The following SYNE1 variants were observed in gnomAD, a reference collection of about 807,000 sequenced individuals.
The protein encoded by SYNE1 is nesprin-1.
SYNE1 carries 616 observed loss-of-function variants against 1,111.0 expected under a neutral mutation model. The observed-to-expected ratio is 0.55, with a 90% CI of 0.52 to 0.59. The LOEUF is 0.59. Among genes scored for constraint, SYNE1 ranks in the 20% least tolerant of loss-of-function variants. The pLI is 0.00. For missense variants in SYNE1, 10,006 were observed against 10,417.0 expected (o/e 0.96, Z 1.72); for synonymous variants, 3,855 against 3,825.8 (o/e 1.01, Z -0.28).
chr6:152,461,818 C>T, intron 20 of SYNE1, 78 bp from the exon 21 acceptor site: 2 of 1,592,032 alleles, frequency 1.3e-6, no homozygotes, highest in South Asian at 2.2e-5. Flanking sequence ...GAAGGCAGAA[C>T]AAAAATCAAT....
At chr6:152,531,869 A>C (rs1202111388) in intron 4 of SYNE1, among the ~76,000 whole-genome samples, 1 of 152,144 alleles carries the variant, frequency 6.6e-6, no homozygotes, top group Non-Finnish European at 1.5e-5. Flanking sequence ...CATTGTATGG[A>C]TATACCACAT....
chr6:152,363,343 A>G (rs1351024037), intron 63 of SYNE1, among the ~76,000 whole-genome samples: 2 of 148,762 alleles, frequency 1.3e-5, no homozygotes, highest in Non-Finnish European at 3.0e-5. Flanking sequence ...AAATACAAAA[A>G]ATTAGCCGGG....
At chr6:152,168,741 G>A (rs761451966) in intron 130 of SYNE1, among the ~76,000 whole-genome samples, 3 of 152,156 alleles carry the variant, frequency 2.0e-5, no homozygotes, top group South Asian at 2.1e-4. Flanking sequence ...GGTTGTTTGC[G>A]AAGGTGGGAA....
intron 130 of SYNE1, among the ~76,000 whole-genome samples, chr6:152,170,046 C>A (rs1162631267): frequency 6.6e-6 from 1 of 151,928 alleles, no homozygotes; most frequent in Non-Finnish European, 1.5e-5. Context: ...TTTAAAAAAC[C>A]TGAAGTCTTC....
intron 133 of SYNE1, among the ~76,000 whole-genome samples, chr6:152,153,332 G>A (rs2060781507): frequency 6.6e-6 from 1 of 152,148 alleles, no homozygotes; most frequent in Non-Finnish European, 1.5e-5. Flanking sequence ...GTACCCCCAG[G>A]CAGATACCCC....
intron 74 of SYNE1, among the ~76,000 whole-genome samples, chr6:152,339,721 T>C (rs2096490372): frequency 6.6e-6 from 1 of 152,258 alleles, no homozygotes. Context: ...CCTCTTAACA[T>C]GCTTTTGCAT....
intron 135 of SYNE1, among the ~76,000 whole-genome samples, chr6:152,150,191 T>G (rs1230756772): frequency 6.6e-6 from 1 of 152,246 alleles, no homozygotes; most frequent in Non-Finnish European, 1.5e-5. Context: ...AGTTATGATT[T>G]GAAAAACAAG....
Position 152,387,166 on chromosome 6 carries a change from C to T in SYNE1, c.8393G>A (p.Arg2798Lys), listed in dbSNP as rs745829800. The part of the protein sequence containing the change: ...RALHRLIAKS[R>K]ELYEKTEDES... ...ATCCTCTGTCTTTTCGTAGAGCTCC[C>T]TGGACTTCGCAATTAGACGGTGAAG... Residue 2798 changes from arginine (R) to lysine (K), a missense_variant, in exon 54 of 146, where the codon AGG becomes AAG. Coordinates refer to ENST00000367255, the MANE Select transcript of SYNE1 (RefSeq NM_182961.4). The T allele has an allele frequency of 1.2e-6, 2 of 1,614,172 alleles. No individual in the cohort carries two copies. The highest frequency in any genetic ancestry group is 1.1e-5 in the South Asian group (1 of 91,080).
In SYNE1 at chr6:152,125,252, T is replaced by C. The variant is rs1313430459; in HGVS notation, c.26154-2576A>G. On this transcript the variant is annotated intron_variant, in intron 145 of 145. Coordinates refer to ENST00000367255, the MANE Select transcript of SYNE1 (RefSeq NM_182961.4). ...ATAATGGTAATGGTAATTCAGGTCGTATTCATTTCACAGGTATCTCACATG... is the reference window on the plus strand; with the variant it reads ...ATAATGGTAATGGTAATTCAGGTCGCATTCATTTCACAGGTATCTCACATG... 5.2e-6 allele frequency: 8 copies of C among 1,549,886 alleles called. No individual in the cohort carries two copies. The South Asian group carries it at 8.3e-5, about 16-fold the overall frequency.
intron 50 of SYNE1, 117 bp downstream of exon 50, chr6:152,396,658 T>A (rs2097736124): frequency 1.2e-5 from 12 of 1,018,282 alleles, no homozygotes; most frequent in Non-Finnish European, 1.8e-5. Flanking sequence ...TCAAAGCTTA[T>A]TATAATTTAA....
Position 152,302,086 on chromosome 6 carries a change from G to A in SYNE1, c.17347-23C>T, listed in dbSNP as rs199728699. ...CTCCTGAGGAAACATTTCCCCCACC[G>A]GGGTGTCAGAGCAGCATCAAAAGGA... On this transcript the variant is annotated intron_variant, in intron 91 of 145. Coordinates refer to ENST00000367255, the MANE Select transcript of SYNE1 (RefSeq NM_182961.4). 9.9e-6 allele frequency: 16 copies of A among 1,614,060 alleles called. No homozygotes were observed. In the Admixed American group the frequency reaches 1.8e-4, roughly 18 times the overall value.
intron 127 of SYNE1, among the ~76,000 whole-genome samples, chr6:152,200,107 A>T (rs557658393): frequency 4.5e-3 from 679 of 152,326 alleles, no homozygotes; most frequent in Non-Finnish European, 6.6e-3. Flanking sequence ...ATATGGATTT[A>T]ACAAAAGTAC....
At chr6:152,144,481 AGTGTGT>A (rs58614483) in intron 137 of SYNE1, 272 of 112,280 alleles carry the variant, frequency 2.4e-3, no homozygotes, top group Non-Finnish European at 3.9e-3. Flanking sequence ...AATTACTGAG[AGTGTGT>A]GTGTGTGTGT....
intron 6 of SYNE1, chr6:152,511,542 G>C (rs1458036265): frequency 7.5e-6 from 12 of 1,607,474 alleles, no homozygotes; most frequent in Non-Finnish European, 8.5e-6. Flanking sequence ...TAAAAATCAG[G>C]AGTTAAGAAT....
intron 121 of SYNE1, among the ~76,000 whole-genome samples, chr6:152,217,891 G>A (rs976887282): frequency 1.3e-5 from 2 of 152,168 alleles, no homozygotes; most frequent in African/African-American, 4.8e-5. Flanking sequence ...TCGAAAGAAA[G>A]AGTGGGTCTA....
At chr6:152,230,942 T>TA (rs967872402) in intron 114 of SYNE1, among the ~76,000 whole-genome samples, 196 of 142,162 alleles carry the variant, frequency 1.4e-3, no homozygotes, top group Middle Eastern at 3.6e-3. Flanking sequence ...GCCGACGATC[T>TA]AAAAAAAAAA....
Position 152,484,941 on chromosome 6 carries a change from A to C in SYNE1, c.1079T>G (p.Met360Arg). The change falls in exon 13 of 146, where the codon ATG becomes AGG. Residue 360 changes from methionine to arginine, a missense_variant. By Grantham distance (91) the Met-to-Arg change is moderately conservative (BLOSUM62 -1). Coordinates refer to ENST00000367255, the MANE Select transcript of SYNE1 (RefSeq NM_182961.4). ...SFKHFRVQYE[M>R]KRKQIEHLIQ... ...TAAATGTTCAATCTGTTTCCTCTTCATTTCATATTGAACTCTGAAGTGCTT... is the reference window on the plus strand; with the variant it reads ...TAAATGTTCAATCTGTTTCCTCTTCCTTTCATATTGAACTCTGAAGTGCTT... The C allele has an allele frequency of 6.2e-7, 1 of 1,613,104 alleles. No homozygotes were observed. Among genetic ancestry groups the C allele is most frequent in the South Asian group, 1.1e-5 (1 of 90,968 alleles).
At chr6:152,278,319 C>T in intron 97 of SYNE1, 39 bp from the exon 98 acceptor site, 2 of 1,607,732 alleles carry the variant, frequency 1.2e-6, no homozygotes, top group Non-Finnish European at 8.5e-7. Flanking sequence ...CACACATCTC[C>T]CCAGCCTCTG....
intron 3 of SYNE1, among the ~76,000 whole-genome samples, chr6:152,569,939 T>C (rs1035151135): frequency 1.2e-4 from 19 of 152,350 alleles, no homozygotes; most frequent in East Asian, 1.2e-3. Flanking sequence ...GTGATCTGAA[T>C]ACGATCTTAG....
Sources: allele counts gnomAD v4.1 joint callset (sites outside exome capture counted in the v4.1 genomes callset), GRCh38; gene constraint gnomAD v4.1.1; transcripts MANE v1.5; gene names NCBI Gene and HGNC (gene_info 2026-07-23, HGNC 2026-07-21).